Variants in CACNA2D1 observed in about 807,000 individuals in gnomAD.
CACNA2D1 encodes the protein voltage-dependent calcium channel subunit alpha-2/delta-1.
CACNA2D1 carries 53 observed loss-of-function variants against 171.5 expected under a neutral mutation model. The ratio of observed to expected loss-of-function variants is 0.31; its 90% CI spans 0.25 to 0.39. The LOEUF (loss-of-function observed/expected upper bound fraction) is 0.39, where lower values mean the gene tolerates loss of function less well. Ranked by LOEUF, CACNA2D1 falls within the 10% of genes least tolerant of loss-of-function variation. The probability of loss-of-function intolerance (pLI) is 1.00; values close to 1 mark genes in which losing one functional copy is unlikely to be tolerated. For missense variants in CACNA2D1, 903 were observed against 1,299.8 expected, an observed-to-expected ratio of 0.69 and a Z score of 4.69; for synonymous variants, 442 against 443.1, an observed-to-expected ratio of 1.00 and a Z score of 0.03.
intron 10 of CACNA2D1, among the ~76,000 whole-genome samples, chr7:82,049,580 A>G (rs1018763101): frequency 1.3e-5 from 2 of 152,158 alleles, no homozygotes; most frequent in African/African-American, 4.8e-5. Flanking sequence ...CGCCAGTTGT[A>G]CACACAGTTA....
intron 3 of CACNA2D1, among the ~76,000 whole-genome samples, chr7:82,179,927 A>AG (rs964408330): frequency 6.6e-6 from 1 of 151,798 alleles, no homozygotes; most frequent in African/African-American, 2.4e-5. Context: ...ACCTGAGAGA[A>AG]AAAAAAAGCC....
intron 3 of CACNA2D1, among the ~76,000 whole-genome samples, chr7:82,178,423 A>C (rs2129164470): frequency 6.6e-6 from 1 of 152,140 alleles, no homozygotes; most frequent in East Asian, 1.9e-4. Flanking sequence ...CTACAGCGCA[A>C]AATAAAAGGT....
chr7:82,391,823 A>G (rs1438079582), intron 1 of CACNA2D1, among the ~76,000 whole-genome samples: 1 of 152,232 alleles, frequency 6.6e-6, no homozygotes, highest in African/African-American at 2.4e-5. Flanking sequence ...TTCTTCTAGA[A>G]AAGTTGTTTA....
chr7:82,351,235 C>T (rs1314729542), intron 1 of CACNA2D1, among the ~76,000 whole-genome samples: 1 of 151,368 alleles, frequency 6.6e-6, no homozygotes, highest in Non-Finnish European at 1.5e-5. Flanking sequence ...GGAAGAATTC[C>T]AGTAGTATAA....
intron 3 of CACNA2D1, among the ~76,000 whole-genome samples, chr7:82,277,105 C>T (rs371993849): frequency 5.0e-4 from 76 of 152,232 alleles, no homozygotes; most frequent in African/African-American, 1.7e-3. Flanking sequence ...GTTCAAAACG[C>T]TAGCAGCTAA....
At chr7:82,138,431 G>GTT (rs1281649581) in intron 4 of CACNA2D1, among the ~76,000 whole-genome samples, 4 of 74,108 alleles carry the variant, frequency 5.4e-5, no homozygotes, top group African/African-American at 1.8e-4. Flanking sequence ...CATTAGTTTT[G>GTT]TTTTTTTTGT....
chr7:82,169,865 T>A (rs1363943532), intron 4 of CACNA2D1, among the ~76,000 whole-genome samples: 2 of 147,634 alleles, frequency 1.4e-5, no homozygotes, highest in African/African-American at 2.5e-5. Context: ...TTTTTTTTTT[T>A]ACTGTGCCCC....
intron 24 of CACNA2D1, among the ~76,000 whole-genome samples, chr7:81,977,687 C>T (rs192465136): frequency 6.6e-6 from 1 of 152,202 alleles, no homozygotes; most frequent in African/African-American, 2.4e-5. Flanking sequence ...TGGGCAAAGC[C>T]TTCATAACTA....
intron 10 of CACNA2D1, among the ~76,000 whole-genome samples, chr7:82,052,903 AG>A (rs1382730973): frequency 2.0e-5 from 3 of 152,188 alleles, no homozygotes; most frequent in African/African-American, 4.8e-5. Flanking sequence ...TCAACCTCAC[AG>A]GGTTGCTGTA....
intron 3 of CACNA2D1, among the ~76,000 whole-genome samples, chr7:82,291,613 A>T (rs1048936965): frequency 6.3e-5 from 9 of 143,462 alleles, no homozygotes; most frequent in Admixed American, 1.4e-4. Flanking sequence ...AATATATATA[A>T]AATCTATATT....
chr7:82,265,507 C>T (rs1807725200), intron 3 of CACNA2D1, among the ~76,000 whole-genome samples: 1 of 141,520 alleles, frequency 7.1e-6, no homozygotes, highest in Admixed American at 7.7e-5. Context: ...TCAAGAAATC[C>T]CCACATCCCA....
intron 4 of CACNA2D1, among the ~76,000 whole-genome samples, chr7:82,160,604 G>A (rs1794846173): frequency 6.6e-6 from 1 of 152,016 alleles, no homozygotes; most frequent in African/African-American, 2.4e-5. Context: ...AAGTAGCTGG[G>A]ACTACAGGTG....
chr7:82,182,052 T>G (rs1387116320), intron 3 of CACNA2D1, among the ~76,000 whole-genome samples: 1 of 152,192 alleles, frequency 6.6e-6, no homozygotes, highest in Non-Finnish European at 1.5e-5. Context: ...TGAAATGTAC[T>G]GTGTATAGTC....
At chr7:82,055,948 A>ATATATATATATATAT (rs1554377773) in intron 10 of CACNA2D1, among the ~76,000 whole-genome samples, 23 of 131,056 alleles carry the variant, frequency 1.8e-4, no homozygotes, top group Admixed American at 2.6e-4. Flanking sequence ...ATATATATAT[A>ATATATATATATATAT]ATTTTTTAAA....
intron 1 of CACNA2D1, among the ~76,000 whole-genome samples, chr7:82,402,924 G>A (rs568390464): frequency 3.9e-5 from 6 of 151,976 alleles, no homozygotes; most frequent in Admixed American, 1.3e-4. Flanking sequence ...TTATAATAAC[G>A]AAAGGCTATA....
chr7:81,990,924 C>T (rs921458720), intron 21 of CACNA2D1, among the ~76,000 whole-genome samples: 3 of 152,096 alleles, frequency 2.0e-5, no homozygotes, highest in African/African-American at 4.8e-5. Flanking sequence ...GTGAACCCTA[C>T]ATATTATTAT....
intron 21 of CACNA2D1, among the ~76,000 whole-genome samples, chr7:81,986,922 T>C (rs1215285182): frequency 6.6e-6 from 1 of 152,172 alleles, no homozygotes; most frequent in Non-Finnish European, 1.5e-5. Context: ...CAAGGGAAAT[T>C]AGGACATTTT....
chr7:82,248,208 C>G (rs1331559402), intron 3 of CACNA2D1, among the ~76,000 whole-genome samples: 2 of 152,130 alleles, frequency 1.3e-5, no homozygotes, highest in Admixed American at 6.5e-5. Context: ...GTTAATGATG[C>G]CCATTCAGCA....
At chr7:82,412,943 T>C (rs897528479) in intron 1 of CACNA2D1, among the ~76,000 whole-genome samples, 3 of 152,120 alleles carry the variant, frequency 2.0e-5, no homozygotes, top group African/African-American at 7.2e-5. Context: ...GAGAAAGCTC[T>C]AAAGTGTTTA....
Sources: gnomAD v4.1 joint callset for allele counts (sites outside exome capture counted in the v4.1 genomes callset) on GRCh38, gnomAD v4.1.1 for gene constraint, MANE v1.5 for transcripts, NCBI Gene and HGNC (gene_info 2026-07-23, HGNC 2026-07-21) for gene names.